PM20D1: variants seen among roughly 807,000 people sequenced by gnomAD.
PM20D1 encodes N-fatty-acyl-amino acid synthase/hydrolase PM20D1.
In PM20D1, 53 loss-of-function variants were observed where a neutral mutation model predicts 53.8. The observed-to-expected ratio is 0.98, with a 90% CI of 0.79 to 1.24. The LOEUF is 1.24. Ranked by LOEUF, PM20D1 falls within the 50% of genes most tolerant of loss-of-function variation. The probability of loss-of-function intolerance (pLI) is 0.00; values close to 1 mark genes in which losing one functional copy is unlikely to be tolerated. For missense variants in PM20D1, 564 were observed against 616.8 expected, an observed-to-expected ratio of 0.91 and a Z score of 0.91; for synonymous variants, 239 against 241.3, an observed-to-expected ratio of 0.99 and a Z score of 0.09.
intron 7 of PM20D1, 79 bp downstream of exon 7, chr1:205,842,596 CT>C: frequency 7.0e-7 from 1 of 1,422,796 alleles, no homozygotes. Context: ...TACTAGGGTC[CT>C]TTTCTTACTC....
rs763003527 is a variant in PM20D1 at position 205,828,584 on chromosome 1, G to A, written c.*36C>T. ...TCCCCCTTGGGTTAGTCCTGTCCCGGGGTCGGGCATGCCTAACCCAGCAGG... is the reference window on the plus strand; with the variant it reads ...TCCCCCTTGGGTTAGTCCTGTCCCGAGGTCGGGCATGCCTAACCCAGCAGG... On this transcript the variant is annotated 3_prime_UTR_variant, in exon 13 of 13. Coordinates refer to ENST00000367136, the MANE Select transcript of PM20D1 (RefSeq NM_152491.5). The A allele has an allele frequency of 6.2e-7, 1 of 1,612,890 alleles. No homozygotes were observed. The highest frequency in any genetic ancestry group is 1.1e-5 in the South Asian group (1 of 90,986).
intron 12 of PM20D1, among the ~76,000 whole-genome samples, chr1:205,829,325 G>A (rs189572106): frequency 2.1e-4 from 32 of 152,214 alleles, no homozygotes; most frequent in African/African-American, 7.2e-4. Flanking sequence ...CACCACACTT[G>A]GCCAAGAACT....
intron 7 of PM20D1, 64 bp from the exon 8 acceptor site, chr1:205,842,279 G>T: frequency 6.9e-7 from 1 of 1,443,766 alleles, no homozygotes. Flanking sequence ...TCTGAGACCT[G>T]AGTCTCTCTC....
At chr1:205,849,713 TGGGGGAAGTGTGGCGTCCCCAGACAG>T (rs557002282) in intron 1 of PM20D1, among the ~76,000 whole-genome samples, 165 bp downstream of exon 1, 7 of 151,820 alleles carry the variant, frequency 4.6e-5, no homozygotes, top group Non-Finnish European at 7.4e-5. Flanking sequence ...GAGCCAGGTA[TGGGGGAAGTGTGGCGTCCCCAGACAG>T]GGGCACGATG....
At chr1:205,840,163 C>T in intron 10 of PM20D1, 89 bp downstream of exon 10, 3 of 1,099,480 alleles carry the variant, frequency 2.7e-6, no homozygotes, top group Non-Finnish European at 3.8e-6. Flanking sequence ...GACACTGGAC[C>T]AGCCCTAGGA....
rs823086 is a variant in PM20D1, at chr1:205,828,285, G to T, written c.*335C>A. ...GCCCTAAATTAAAGACTCCTATCAGGTAACAACTGGTTGAGATTTCTCAAA... is the reference window on the plus strand; with the variant it reads ...GCCCTAAATTAAAGACTCCTATCAGTTAACAACTGGTTGAGATTTCTCAAA... On this transcript the variant is annotated 3_prime_UTR_variant, in exon 13 of 13. Transcript: ENST00000367136. The T allele has an allele frequency of 0.59, 126,648 of 214,422 alleles. 38,283 individuals are homozygous for T. The highest frequency in any genetic ancestry group is 0.63 in the Non-Finnish European group (68,092 of 107,600). 13.3% of individuals were successfully genotyped at this position (214,422 alleles called of 1,614,324 possible).
At chr1:205,841,365 G>A (rs1212391793) in intron 9 of PM20D1, among the ~76,000 whole-genome samples, 1 of 152,058 alleles carries the variant, frequency 6.6e-6, no homozygotes, top group African/African-American at 2.4e-5. Flanking sequence ...TTCTCAACTG[G>A]GTATTGGGGC....
At position 205,842,109 on chromosome 1, in the gene PM20D1, A is replaced by G. The variant is rs140609881; in HGVS notation, c.965+45T>C. On this transcript the variant is annotated intron_variant, in intron 8 of 12. Coordinates refer to ENST00000367136, the MANE Select transcript of PM20D1 (RefSeq NM_152491.5). ...AAGGAGAGGGGCCTGGGGGGTGGGTAGGTTTGAGGTGAGGGATGTGAAAAA... is the reference window on the plus strand; with the variant it reads ...AAGGAGAGGGGCCTGGGGGGTGGGTGGGTTTGAGGTGAGGGATGTGAAAAA... The G allele has an allele frequency of 1.6e-3, 2,473 of 1,553,566 alleles. 32 individuals carry two copies. In the African/African-American group the frequency reaches 0.029, roughly 19 times the overall value.
intron 10 of PM20D1, among the ~76,000 whole-genome samples, chr1:205,837,904 C>T (rs530120910): frequency 6.6e-6 from 1 of 152,220 alleles, no homozygotes; most frequent in East Asian, 1.9e-4. Context: ...TCAGTGATTT[C>T]CTGGCCCCAT....
chr1:205,833,953 T>A (rs2102524013), intron 10 of PM20D1, among the ~76,000 whole-genome samples: 1 of 151,532 alleles, frequency 6.6e-6, no homozygotes, highest in Non-Finnish European at 1.5e-5. Flanking sequence ...GTTCAAGCAA[T>A]TCTCCTGCCT....
chr1:205,842,794 C>T (rs1340329045), intron 6 of PM20D1, 43 bp from the exon 7 acceptor site: 1 of 1,583,294 alleles, frequency 6.3e-7, no homozygotes, highest in South Asian at 1.1e-5. Flanking sequence ...GAACCCCAGC[C>T]AAAGATCAGT....
intron 10 of PM20D1, among the ~76,000 whole-genome samples, chr1:205,835,222 G>A (rs1453032511): frequency 6.6e-6 from 1 of 152,158 alleles, no homozygotes; most frequent in Non-Finnish European, 1.5e-5. Context: ...CAGAGACAAG[G>A]TAACAGATCG....
rs77722822 is a variant in PM20D1, at chr1:205,837,118, G to A, written c.1116+3134C>T. On this transcript the variant is annotated intron_variant, in intron 10 of 12. Coordinates refer to ENST00000367136, the MANE Select transcript of PM20D1 (RefSeq NM_152491.5). ...TTTCCTTGCTTACTGCTGTCTCTTC[G>A]CTAGAATGTAAACACCATTAGAATG... Among the ~76,000 whole-genome samples, 869 of 152,206 alleles carry A rather than the reference G, an allele frequency of 5.7e-3. 5 individuals are homozygous for A. The highest frequency in any genetic ancestry group is 0.02 in the African/African-American group (836 of 41,532).
At chr1:205,848,050 G>T (rs1481793350) in intron 1 of PM20D1, 79 bp from the exon 2 acceptor site, 2 of 1,392,572 alleles carry the variant, frequency 1.4e-6, no homozygotes, top group Non-Finnish European at 1.0e-6. Context: ...TGCACAAAAA[G>T]TTCTTTTGCC....
At chr1:205,830,979 C>T (rs1353384392) in intron 11 of PM20D1, among the ~76,000 whole-genome samples, 1 of 152,202 alleles carries the variant, frequency 6.6e-6, no homozygotes, top group Non-Finnish European at 1.5e-5. Context: ...TAAATACCCT[C>T]TGGGAGAACT....
At chr1:205,839,124 A>G (rs574449554) in intron 10 of PM20D1, among the ~76,000 whole-genome samples, 1 of 152,370 alleles carries the variant, frequency 6.6e-6, no homozygotes, top group Non-Finnish European at 1.5e-5. Context: ...ACTCCTCAGC[A>G]TAGCATACAA....
At chr1:205,845,027 G>A in intron 3 of PM20D1, 130 bp from the exon 4 acceptor site, 1 of 782,090 alleles carries the variant, frequency 1.3e-6, no homozygotes, top group Non-Finnish European at 2.1e-6. Flanking sequence ...TCTTGAAAGA[G>A]AACAGATTCA....
chr1:205,830,214 G>A lies in PM20D1; in HGVS notation c.1385+66C>T, dbSNP rs1656526640. The stretch of plus-strand genomic sequence containing the variant: ...TTCTGTGGACTGCCAGGAGCATGGG[G>A]TAGGAAAAGGACACATCAAGTGTAT... On this transcript the variant is annotated intron_variant, in intron 12 of 12. Coordinates refer to ENST00000367136, the MANE Select transcript of PM20D1 (RefSeq NM_152491.5). 22 of 1,226,286 alleles carry A rather than the reference G, an allele frequency of 1.8e-5. No homozygotes were observed. In the South Asian group the frequency reaches 2.8e-4, roughly 15 times the overall value. 76.0% of individuals were successfully genotyped at this position (1,226,286 alleles called of 1,614,324 possible).
At chr1:205,839,284 T>G (rs1656751287) in intron 10 of PM20D1, among the ~76,000 whole-genome samples, 1 of 152,242 alleles carries the variant, frequency 6.6e-6, no homozygotes, top group Non-Finnish European at 1.5e-5. Context: ...AACATTTTAG[T>G]AGTCAGAAAA....
Sources: allele counts gnomAD v4.1 joint callset (sites outside exome capture counted in the v4.1 genomes callset), GRCh38; gene constraint gnomAD v4.1.1; transcripts MANE v1.5; gene names NCBI Gene and HGNC (gene_info 2026-07-23, HGNC 2026-07-21).